The following ARSH variants were observed in gnomAD, a reference collection of about 807,000 sequenced individuals.
ARSH encodes the protein arylsulfatase H.
A neutral mutation model predicts 28.7 loss-of-function variants in ARSH; 32 were observed. That is an observed-to-expected ratio of 1.11 (90% CI 0.84 to 1.50). The LOEUF is 1.50. Among genes scored for constraint, ARSH ranks in the 40% most tolerant of loss-of-function variants. The pLI is 0.00. For missense variants in ARSH, 440 were observed against 452.4 expected (o/e 0.97, Z 0.25); for synonymous variants, 176 against 177.3 (o/e 0.99, Z 0.06).
chrX:3,032,625 A>G (rs1212582062), intron 8 of ARSH, among the ~76,000 whole-genome samples: 2 of 111,270 alleles, frequency 1.8e-5, no homozygotes, highest in African/African-American at 3.3e-5. Flanking sequence ...GGAGGGAGAA[A>G]AGGATAAAGA....
At chrX:3,021,798 G>C (rs2089884969) in intron 5 of ARSH, among the ~76,000 whole-genome samples, 1 of 103,632 alleles carries the variant, frequency 9.6e-6, no homozygotes, top group Admixed American at 1.1e-4. Context: ...CCACACACTT[G>C]ACCTCCTCGG....
chrX:3,014,894 G>A, intron 3 of ARSH, 76 bp from the exon 4 acceptor site: 1 of 1,005,021 alleles, frequency 1.0e-6, no homozygotes, highest in Non-Finnish European at 1.4e-6. Flanking sequence ...TTTTCCAAAG[G>A]GAAGCCCACA....
intron 3 of ARSH, among the ~76,000 whole-genome samples, chrX:3,014,321 G>A (rs778006394): frequency 1.8e-5 from 2 of 111,549 alleles, no homozygotes; most frequent in Non-Finnish European, 3.8e-5. Flanking sequence ...GGTCTGGGAA[G>A]TGTTGAATAT....
chrX:3,018,750 A>T lies in ARSH; in HGVS notation c.901+80A>T. Reference sequence around the variant, plus strand: ...AAATCTGTACTAACTGTCTCAAATTATGTCCAGCCCCTTGCATAGCATAGA... The same window carrying T: ...AAATCTGTACTAACTGTCTCAAATTTTGTCCAGCCCCTTGCATAGCATAGA... On this transcript the variant is annotated intron_variant, in intron 5 of 8. Coordinates refer to ENST00000381130, the MANE Select transcript of ARSH (RefSeq NM_001011719.2). The T allele has an allele frequency of 2.8e-6, 3 of 1,060,455 alleles. No homozygotes were observed. The South Asian group carries it at 6.3e-5, about 22-fold the overall frequency. 87.4% of individuals were successfully genotyped at this position (1,060,455 alleles called of 1,213,427 possible).
At chrX:3,014,698 G>A (rs1307026496) in intron 3 of ARSH, among the ~76,000 whole-genome samples, 1 of 111,172 alleles carries the variant, frequency 9.0e-6, no homozygotes, top group Non-Finnish European at 1.9e-5. Context: ...CCAAGCAAAA[G>A]GTTTCTTCTG....
At chrX:3,027,532 A>G in intron 7 of ARSH, 57 bp downstream of exon 7, 5 of 1,089,283 alleles carry the variant, frequency 4.6e-6, no homozygotes, top group Non-Finnish European at 6.3e-6. Context: ...ATAAGTGGAT[A>G]TACTTGATAA....
At chrX:3,029,193 G>A (rs2089906978) in intron 7 of ARSH, 54 bp from the exon 8 acceptor site, 7 of 1,116,583 alleles carry the variant, frequency 6.3e-6, no homozygotes, top group African/African-American at 1.9e-5. Flanking sequence ...TATAAAATGC[G>A]TGACTGAACC....
At chrX:3,020,059 G>A (rs1269650592) in intron 5 of ARSH, among the ~76,000 whole-genome samples, 1 of 108,304 alleles carries the variant, frequency 9.2e-6, no homozygotes, top group Admixed American at 1.0e-4. Flanking sequence ...GTTCAGGCGG[G>A]AGGATCACTT....
intron 6 of ARSH, 132 bp downstream of exon 6, chrX:3,024,287 C>CT: frequency 1.5e-6 from 1 of 685,954 alleles, no homozygotes; most frequent in Non-Finnish European, 1.9e-6. Flanking sequence ...TAAGCTAGAC[C>CT]GAAAAAAAAA....
chrX:3,008,708 C>A (rs1057486535), intron 1 of ARSH, among the ~76,000 whole-genome samples: 1 of 101,834 alleles, frequency 9.8e-6, no homozygotes, highest in African/African-American at 3.6e-5. Context: ...AGCCCCCACA[C>A]CTGCCTAATT....
chrX:3,028,271 T>G (rs1183797595), intron 7 of ARSH, among the ~76,000 whole-genome samples: 2 of 110,711 alleles, frequency 1.8e-5, no homozygotes, highest in Non-Finnish European at 3.8e-5. Flanking sequence ...AATGCAGTGG[T>G]GTGATCTCGG....
Position 3,028,615 on chromosome X carries a change from A to T in ARSH, c.1200-632A>T, listed in dbSNP as rs1217251373. Among the ~76,000 whole-genome samples the T allele has an allele frequency of 2.7e-5, 3 of 111,634 alleles. No individual in the cohort carries two copies. The Admixed American group carries it at 2.9e-4, about 11-fold the overall frequency. On this transcript the variant is annotated intron_variant, in intron 7 of 8. Transcript: ENST00000381130. ...TTAAATGTGAAGTTTTATTGGAATC[A>T]AAAGGGCGTAAATAGCTTAATTTTT...
At chrX:3,013,018 T>A (rs1184846918) in intron 2 of ARSH, 29 bp from the exon 3 acceptor site, 3 of 1,201,658 alleles carry the variant, frequency 2.5e-6, no homozygotes, top group Non-Finnish European at 3.4e-6. Context: ...AAGACTATGG[T>A]GCTAACTTAT....
chrX:3,020,588 C>CAAAAAAAA (rs759581189), intron 5 of ARSH, among the ~76,000 whole-genome samples: 20 of 44,275 alleles, frequency 4.5e-4, no homozygotes, highest in East Asian at 7.6e-4. Flanking sequence ...GACTCAGTCT[C>CAAAAAAAA]AAAAAAAAAA....
intron 8 of ARSH, among the ~76,000 whole-genome samples, chrX:3,032,067 A>G (rs2089915511): frequency 9.0e-6 from 1 of 111,202 alleles, no homozygotes; most frequent in African/African-American, 3.3e-5. Flanking sequence ...CCACCAGTAG[A>G]CTTCGGTATA....
chrX:3,030,329 G>A (rs772397235), intron 8 of ARSH, among the ~76,000 whole-genome samples: 15 of 111,417 alleles, frequency 1.3e-4, no homozygotes, highest in Non-Finnish European at 1.7e-4. Flanking sequence ...CCTGGTACCC[G>A]GTGCTGGGTT....
At chrX:3,020,461 C>T (rs1433272081) in intron 5 of ARSH, among the ~76,000 whole-genome samples, 2 of 103,111 alleles carry the variant, frequency 1.9e-5, no homozygotes, top group African/African-American at 3.5e-5. Context: ...CGGTGGCGGG[C>T]GCCTGTAGTC....
chrX:3,025,463 T>C (rs1487889875), intron 6 of ARSH, among the ~76,000 whole-genome samples: 3 of 106,585 alleles, frequency 2.8e-5, no homozygotes, highest in Non-Finnish European at 5.7e-5. Context: ...TAGAATTCTA[T>C]ATATTCACTG....
Position 3,006,662 on chromosome X carries a change from T to C in ARSH, c.50T>C (p.Leu17Pro), listed in dbSNP as rs2089828177. Reference sequence around the variant, plus strand: ...ATTGTCCTGCTGATGGCAGATGACCTTGGAGTGGGGGATTTGTGCTGCTAC... The same window carrying C: ...ATTGTCCTGCTGATGGCAGATGACCCTGGAGTGGGGGATTTGTGCTGCTAC... The part of the protein sequence containing the change: ...PNIVLLMADD[L>P]GVGDLCCYGN... The change falls in exon 1 of 9, where the codon CTT (leucine) becomes CCT (proline). Residue 17 changes from leucine to proline, a missense_variant. Transcript: ENST00000381130. 1.7e-6 allele frequency: 2 copies of C among 1,208,989 alleles called. No individual in the cohort carries two copies. Among genetic ancestry groups the C allele is most frequent in the African/African-American group, 3.5e-5 (2 of 56,934 alleles).
Sources: allele counts gnomAD v4.1 joint callset (sites outside exome capture counted in the v4.1 genomes callset), GRCh38; gene constraint gnomAD v4.1.1; transcripts MANE v1.5; gene names NCBI Gene and HGNC (gene_info 2026-07-23, HGNC 2026-07-21).